The following GSDMC variants were observed in gnomAD, a reference collection of about 807,000 sequenced individuals.
GSDMC encodes gasdermin C.
GSDMC carries 59 observed loss-of-function variants against 58.0 expected under a neutral mutation model. The ratio of observed to expected loss-of-function variants is 1.02; its 90% confidence interval spans 0.82 to 1.26. The LOEUF (loss-of-function observed/expected upper bound fraction) is 1.26. Ranked by LOEUF, GSDMC falls within the 50% of genes most tolerant of loss-of-function variation. The pLI is 0.00. For synonymous variants in GSDMC, 241 were observed against 220.2 expected, an observed-to-expected ratio of 1.09 and a Z score of -0.83; for missense variants, 659 against 598.5, an observed-to-expected ratio of 1.10 and a Z score of -1.06.
chr8:129,750,087 G>T lies in GSDMC; in HGVS notation c.1116C>A (p.Gly372=). ...GTTTCTTTAGGATGGCACCACCAGGGCCATCCAAATGACCTGAGCTGTCCA... is the reference window on the plus strand; with the variant it reads ...GTTTCTTTAGGATGGCACCACCAGGTCCATCCAAATGACCTGAGCTGTCCA... ...LELDSSGHLD[G]PGGAILKKLQ... The change falls in exon 12 of 14, where the codon GGC becomes GGA. Residue 372 remains glycine (G), a synonymous_variant. Transcript: ENST00000276708. 6.3e-7 allele frequency: 1 copy of T among 1,598,798 alleles called. No individual in the cohort carries two copies. The highest frequency in any genetic ancestry group is 8.5e-7 in the Non-Finnish European group (1 of 1,174,034).
At chr8:129,772,048 A>T (rs1401345814) in intron 3 of GSDMC, among the ~76,000 whole-genome samples, 1 of 152,134 alleles carries the variant, frequency 6.6e-6, no homozygotes, top group Non-Finnish European at 1.5e-5. Context: ...GCAGATCATG[A>T]GGTCAGGAGA....
chr8:129,752,502 G>A (rs1474040271), intron 7 of GSDMC, among the ~76,000 whole-genome samples, 196 bp downstream of exon 7: 1 of 152,164 alleles, frequency 6.6e-6, no homozygotes, highest in African/African-American at 2.4e-5. Context: ...GGGCTCTTGT[G>A]GGAATCCAAA....
chr8:129,757,233 A>G (rs2033477137), intron 6 of GSDMC, among the ~76,000 whole-genome samples: 1 of 152,084 alleles, frequency 6.6e-6, no homozygotes, highest in East Asian at 1.9e-4. Flanking sequence ...CAACTGATAC[A>G]GCAGAAATTT....
chr8:129,751,508 A>G (rs1352496621), intron 10 of GSDMC, 34 bp downstream of exon 10: 1 of 1,590,272 alleles, frequency 6.3e-7, no homozygotes, highest in South Asian at 1.1e-5. Flanking sequence ...GCTCCCACCC[A>G]GAAGCCCCAG....
the GSDMC span, among the ~76,000 whole-genome samples, chr8:129,733,586 T>C: frequency 0.074 from 11,221 of 152,186 alleles, 704 homozygotes; most frequent in East Asian, 0.25. Flanking sequence ...GACCTGACTA[T>C]TAGAAGGAAA....
chr8:129,780,342 T>G (rs1367744891), intron 1 of GSDMC, among the ~76,000 whole-genome samples: 2 of 152,190 alleles, frequency 1.3e-5, no homozygotes, highest in Admixed American at 1.3e-4. Flanking sequence ...CTCAGGCATT[T>G]GATAATCAAA....
chr8:129,755,862 C>T (rs886436396), intron 6 of GSDMC, among the ~76,000 whole-genome samples: 1 of 150,216 alleles, frequency 6.7e-6, no homozygotes, highest in African/African-American at 2.4e-5. Flanking sequence ...AATCAAAAGA[C>T]TTACAATGGA....
Position 129,765,544 on chromosome 8 carries a change from AG to A in GSDMC, c.570+83del, listed in dbSNP as rs1231043048. 5.3e-6 allele frequency: 5 copies of A among 946,642 alleles called. No homozygotes were observed. In the African/African-American group the frequency reaches 8.1e-5, roughly 15 times the overall value. The allele number at this position is 946,642 out of a possible 1,614,324, so 58.6% of individuals were successfully genotyped here. A position where few individuals can be genotyped will look rare whatever the true frequency, so the allele number is the denominator to read the frequency against. ...CTTGTAATCCCTGGAAATAGAGTCC[AG>A]AGCCCCCTAGGAAATGAAGCTTGGC... On this transcript the variant is annotated intron_variant, in intron 4 of 13. Transcript: ENST00000276708.
In GSDMC at chr8:129,762,668, C is replaced by A. The variant is rs750683131; in HGVS notation, c.634G>T (p.Val212Leu). The A allele has an allele frequency of 1.9e-6, 3 of 1,613,782 alleles. No homozygotes were observed. Among genetic ancestry groups the A allele is most frequent in the East Asian group, 2.2e-5 (1 of 44,896 alleles). The change falls in exon 5 of 14, where the codon GTG becomes TTG. Residue 212 changes from valine to leucine, a missense_variant. Coordinates refer to ENST00000276708, the MANE Select transcript of GSDMC (RefSeq NM_031415.3). ...AGCTGCTTTCTCTTATAAGCCATCA[C>A]CATGCCTTTCTGAAGAGTCAGCGCC... Reference protein sequence around the residue: ...KKALTLQKGMVMAYKRKQLVI... With the variant: ...KKALTLQKGMLMAYKRKQLVI...
At chr8:129,730,435 A>C in the GSDMC span, 1 of 1,115,242 alleles carries the variant, frequency 9.0e-7, no homozygotes, top group Non-Finnish European at 1.2e-6. Context: ...ATTATTTCCC[A>C]AAAAGTTTAA....
At chr8:129,708,216 C>T in the GSDMC span, among the ~76,000 whole-genome samples, 1 of 152,188 alleles carries the variant, frequency 6.6e-6, no homozygotes, top group East Asian at 1.9e-4. Flanking sequence ...CTCATAAAGC[C>T]GGCTCTGCTT....
At chr8:129,781,765 A>AT (rs397737229) in intron 1 of GSDMC, among the ~76,000 whole-genome samples, 1 of 151,038 alleles carries the variant, frequency 6.6e-6, no homozygotes, top group East Asian at 1.9e-4. Flanking sequence ...AAAAAAAAAA[A>AT]TAGCTAGAGA....
chr8:129,748,256 G>T lies in GSDMC; in HGVS notation c.*245C>A. On this transcript the variant is annotated 3_prime_UTR_variant, in exon 14 of 14. Transcript: ENST00000276708. ...AATTTATACATAGTGAAACGCTTAC[G>T]TCTTTAACATACTATTTGAGGAGTT... The T allele has an allele frequency of 3.0e-6, 1 of 335,672 alleles. No individual in the cohort carries two copies. The highest frequency in any genetic ancestry group is 5.4e-6 in the Non-Finnish European group (1 of 186,382). 20.8% of individuals were successfully genotyped at this position (335,672 alleles called of 1,614,324 possible). A position where few individuals can be genotyped will look rare whatever the true frequency, so the allele number is the denominator to read the frequency against.
At chr8:129,772,222 C>G (rs2034081437) in intron 3 of GSDMC, among the ~76,000 whole-genome samples, 1 of 138,548 alleles carries the variant, frequency 7.2e-6, no homozygotes, top group Non-Finnish European at 1.5e-5. Context: ...GATCGCGCCA[C>G]TGCACTCCAG....
the GSDMC span, among the ~76,000 whole-genome samples, chr8:129,741,774 C>T: frequency 6.6e-6 from 1 of 151,616 alleles, no homozygotes; most frequent in African/African-American, 2.4e-5. Flanking sequence ...TTCAACAATC[C>T]CACTTCTAGT....
At chr8:129,742,389 A>T in the GSDMC span, among the ~76,000 whole-genome samples, 1 of 152,180 alleles carries the variant, frequency 6.6e-6, no homozygotes, top group East Asian at 1.9e-4. Flanking sequence ...AAAAATATAC[A>T]ATTATGATTT....
chr8:129,759,755 C>T (rs1207446136), intron 6 of GSDMC, among the ~76,000 whole-genome samples: 3 of 152,002 alleles, frequency 2.0e-5, no homozygotes, highest in Non-Finnish European at 4.4e-5. Flanking sequence ...TCTCATATGC[C>T]GTTGATGGGA....
At chr8:129,719,516 C>T in the GSDMC span, among the ~76,000 whole-genome samples, 3 of 152,172 alleles carry the variant, frequency 2.0e-5, no homozygotes, top group Non-Finnish European at 4.4e-5. Context: ...ATACTATCAA[C>T]TAACTTGACC....
intron 3 of GSDMC, 106 bp from the exon 4 acceptor site, chr8:129,765,899 T>C (rs2033842005): frequency 1.2e-6 from 1 of 817,156 alleles, no homozygotes; most frequent in Non-Finnish European, 1.9e-6. Context: ...TGCAATGGCT[T>C]TGGACCCTGA....
Sources: gnomAD v4.1 joint callset for allele counts (sites outside exome capture counted in the v4.1 genomes callset) on GRCh38, gnomAD v4.1.1 for gene constraint, MANE v1.5 for transcripts, NCBI Gene and HGNC (gene_info 2026-07-23, HGNC 2026-07-21) for gene names.